DTNBP1: variants seen among roughly 807,000 people sequenced by gnomAD.
DTNBP1 encodes dysbindin.
Under a neutral mutation model 42.8 loss-of-function variants are expected in DTNBP1, and 35 were observed. The ratio of observed to expected loss-of-function variants is 0.82; its 90% CI spans 0.63 to 1.09. The LOEUF (loss-of-function observed/expected upper bound fraction) is 1.09. Among genes scored for constraint, DTNBP1 ranks in the 50% least tolerant of loss-of-function variants. DTNBP1 has a pLI of 0.00. For missense variants in DTNBP1, 457 were observed against 424.2 expected, an observed-to-expected ratio of 1.08 and a Z score of -0.68; for synonymous variants, 171 against 162.2, an observed-to-expected ratio of 1.05 and a Z score of -0.41.
At chr6:15,543,472 T>C (rs1310796412) in intron 7 of DTNBP1, among the ~76,000 whole-genome samples, 1 of 152,164 alleles carries the variant, frequency 6.6e-6, no homozygotes, top group Non-Finnish European at 1.5e-5. Flanking sequence ...ACTACATCAA[T>C]ACAGTACCAC....
At chr6:15,560,087 C>G (rs914259275) in intron 7 of DTNBP1, among the ~76,000 whole-genome samples, 2 of 152,144 alleles carry the variant, frequency 1.3e-5, no homozygotes, top group African/African-American at 4.8e-5. Flanking sequence ...GCAGGCGGAT[C>G]ACATGGTCAG....
At chr6:15,585,445 T>TAAA (rs201453910) in intron 7 of DTNBP1, among the ~76,000 whole-genome samples, 2 of 139,732 alleles carry the variant, frequency 1.4e-5, no homozygotes, top group Non-Finnish European at 3.1e-5. Flanking sequence ...ACACATATTG[T>TAAA]AAAAAAAAAA....
intron 7 of DTNBP1, among the ~76,000 whole-genome samples, chr6:15,551,614 C>T (rs1387083126): frequency 6.6e-6 from 1 of 152,150 alleles, no homozygotes; most frequent in Non-Finnish European, 1.5e-5. Flanking sequence ...CAGGGAGACC[C>T]AGGCTCTCTT....
intron 4 of DTNBP1, among the ~76,000 whole-genome samples, chr6:15,629,287 C>A (rs1047643843): frequency 6.6e-6 from 1 of 151,808 alleles, no homozygotes; most frequent in Non-Finnish European, 1.5e-5. Context: ...CTCATAAATT[C>A]TCTTAACTTC....
chr6:15,641,343 G>A (rs545743924), intron 3 of DTNBP1, among the ~76,000 whole-genome samples: 4 of 152,288 alleles, frequency 2.6e-5, no homozygotes, highest in African/African-American at 9.6e-5. Context: ...AGGGAAGGGA[G>A]CCAGGACCTG....
intron 8 of DTNBP1, among the ~76,000 whole-genome samples, chr6:15,524,870 C>G (rs1001702115): frequency 2.1e-5 from 2 of 93,946 alleles, no homozygotes; most frequent in Admixed American, 1.0e-4. Context: ...CTATTATTAC[C>G]TTTTACACTT....
chr6:15,559,794 C>T (rs1159111676), intron 7 of DTNBP1, among the ~76,000 whole-genome samples: 1 of 152,144 alleles, frequency 6.6e-6, no homozygotes, highest in African/African-American at 2.4e-5. Flanking sequence ...AGAGTTTTGC[C>T]TCATCTGCCA....
intron 5 of DTNBP1, among the ~76,000 whole-genome samples, chr6:15,623,867 T>G (rs1209138058): frequency 6.6e-6 from 1 of 152,240 alleles, no homozygotes; most frequent in Admixed American, 6.5e-5. Context: ...ACCTTCAATG[T>G]ACAGAATACT....
intron 7 of DTNBP1, among the ~76,000 whole-genome samples, chr6:15,563,823 TGAG>T (rs1167456103): frequency 6.6e-6 from 1 of 152,180 alleles, no homozygotes; most frequent in Non-Finnish European, 1.5e-5. Flanking sequence ...TTTGAGAGGC[TGAG>T]GCTGGGCCGA....
At chr6:15,523,255 TA>T (rs1554150999) in intron 9 of DTNBP1, 36 bp from the exon 10 acceptor site, 4 of 1,612,812 alleles carry the variant, frequency 2.5e-6, no homozygotes, top group Non-Finnish European at 3.4e-6. Context: ...AGCCCTGTCA[TA>T]AAAATATTGT....
chr6:15,651,220 T>C, intron 3 of DTNBP1, 93 bp downstream of exon 3: 1 of 1,140,492 alleles, frequency 8.8e-7, no homozygotes, highest in Non-Finnish European at 1.3e-6. Flanking sequence ...AAAATTTAGC[T>C]GTTTTAAGGC....
chr6:15,566,183 C>T (rs980971002), intron 7 of DTNBP1, among the ~76,000 whole-genome samples: 2 of 151,102 alleles, frequency 1.3e-5, no homozygotes, highest in African/African-American at 4.9e-5. Flanking sequence ...GGCGTAGTGG[C>T]GGGCGCCTGT....
At chr6:15,545,898 A>G in intron 7 of DTNBP1, 1 of 322,420 alleles carries the variant, frequency 3.1e-6, no homozygotes, top group Admixed American at 3.8e-5. Context: ...CTTTTATGGG[A>G]AGGGCAAGGC....
chr6:15,581,924 G>A, intron 7 of DTNBP1, among the ~76,000 whole-genome samples: 1 of 152,150 alleles, frequency 6.6e-6, no homozygotes, highest in Non-Finnish European at 1.5e-5. Context: ...TTCTAATCCT[G>A]CCCTGAGCTT....
chr6:15,583,161 T>C (rs1351721851), intron 7 of DTNBP1, among the ~76,000 whole-genome samples: 3 of 152,122 alleles, frequency 2.0e-5, no homozygotes, highest in Non-Finnish European at 4.4e-5. Context: ...TTAAATTTTT[T>C]TGTAGAGCGG....
chr6:15,529,745 C>T (rs1772680764), intron 8 of DTNBP1, among the ~76,000 whole-genome samples: 1 of 152,260 alleles, frequency 6.6e-6, no homozygotes, highest in African/African-American at 2.4e-5. Flanking sequence ...GCAGGATATC[C>T]TGACACTCAG....
chr6:15,553,211 G>A (rs1005174690), intron 7 of DTNBP1, among the ~76,000 whole-genome samples: 3 of 152,072 alleles, frequency 2.0e-5, no homozygotes, highest in Non-Finnish European at 2.9e-5. Flanking sequence ...GTTGCAGCCT[G>A]TAGGGTGGCC....
Position 15,662,971 on chromosome 6 carries a change from C to T in DTNBP1, c.-102G>A. 6.6e-7 allele frequency: 1 copy of T among 1,510,690 alleles called. No individual in the cohort carries two copies. 93.6% of individuals were successfully genotyped at this position (1,510,690 alleles called of 1,614,324 possible). ...AACCCCGCGCTGTCACCGCGCGCCC[C>T]GCACTCCCACTACCGGCCCCGCCCC... On this transcript the variant is annotated 5_prime_UTR_variant, in exon 1 of 10. Coordinates refer to ENST00000344537, the MANE Select transcript of DTNBP1 (RefSeq NM_032122.5).
At chr6:15,639,765 C>T (rs1265866135) in intron 3 of DTNBP1, among the ~76,000 whole-genome samples, 2 of 152,160 alleles carry the variant, frequency 1.3e-5, no homozygotes, top group African/African-American at 4.8e-5. Context: ...ACCTAACAAA[C>T]AAGAGACACA....
Sources: allele counts gnomAD v4.1 joint callset (sites outside exome capture counted in the v4.1 genomes callset), GRCh38; gene constraint gnomAD v4.1.1; transcripts MANE v1.5; gene names NCBI Gene and HGNC (gene_info 2026-07-23, HGNC 2026-07-21).